CSRNP3: variants seen among roughly 807,000 people sequenced by gnomAD.
CSRNP3 encodes the protein cysteine/serine-rich nuclear protein 3.
CSRNP3 carries 12 observed loss-of-function variants against 48.0 expected under a neutral mutation model. That is an observed-to-expected ratio of 0.25 (90% CI 0.16 to 0.41). The LOEUF (loss-of-function observed/expected upper bound fraction) is 0.41, where lower values mean the gene tolerates loss of function less well. CSRNP3 is among the 10% of genes least tolerant of loss of function. The pLI is 1.00. For synonymous variants in CSRNP3, 263 were observed against 269.7 expected, an observed-to-expected ratio of 0.98 and a Z score of 0.24; for missense variants, 580 against 724.4, an observed-to-expected ratio of 0.80 and a Z score of 2.29.
intron 4 of CSRNP3, 96 bp downstream of exon 4, chr2:165,595,309 A>T: frequency 8.4e-7 from 1 of 1,193,894 alleles, no homozygotes. Flanking sequence ...AGCTATATAT[A>T]TTTTCCCATC....
intron 5 of CSRNP3, among the ~76,000 whole-genome samples, chr2:165,663,666 A>G (rs932622343): frequency 3.9e-5 from 6 of 152,206 alleles, no homozygotes; most frequent in African/African-American, 1.4e-4. Context: ...AATTTAGGGA[A>G]GTCAATTGCA....
chr2:165,514,193 T>C (rs1684544677), intron 2 of CSRNP3, among the ~76,000 whole-genome samples: 1 of 152,258 alleles, frequency 6.6e-6, no homozygotes, highest in South Asian at 2.1e-4. Context: ...CAGGAATGAT[T>C]ATATTTATCC....
intron 1 of CSRNP3, among the ~76,000 whole-genome samples, chr2:165,487,538 C>G (rs1684137255): frequency 6.8e-6 from 1 of 147,996 alleles, no homozygotes; most frequent in East Asian, 2.0e-4. Flanking sequence ...TTAAGGGCAG[C>G]CAGAGAGAAG....
intron 3 of CSRNP3, among the ~76,000 whole-genome samples, chr2:165,555,401 A>T (rs1685149044): frequency 6.6e-6 from 1 of 152,178 alleles, no homozygotes; most frequent in South Asian, 2.1e-4. Flanking sequence ...AGGAAACTGG[A>T]TTCAAAAGTA....
chr2:165,618,706 GA>G (rs1285203808), intron 4 of CSRNP3, among the ~76,000 whole-genome samples: 2 of 152,174 alleles, frequency 1.3e-5, no homozygotes, highest in Non-Finnish European at 2.9e-5. Context: ...CATATATGTG[GA>G]AGGATTATAG....
chr2:165,515,146 C>T (rs1276597778), intron 2 of CSRNP3, among the ~76,000 whole-genome samples: 6 of 131,468 alleles, frequency 4.6e-5, no homozygotes, highest in Non-Finnish European at 7.9e-5. Context: ...GGTGAAACCC[C>T]GTCTCAACTA....
intron 4 of CSRNP3, among the ~76,000 whole-genome samples, chr2:165,653,362 T>C (rs1340603777): frequency 6.6e-6 from 1 of 152,198 alleles, no homozygotes; most frequent in African/African-American, 2.4e-5. Context: ...AAACACATGT[T>C]TGAATTATGA....
At chr2:165,599,303 A>G (rs1323558232) in intron 4 of CSRNP3, among the ~76,000 whole-genome samples, 1 of 150,560 alleles carries the variant, frequency 6.6e-6, no homozygotes, top group Non-Finnish European at 1.5e-5. Flanking sequence ...GAAAGAAAGA[A>G]AGAAAGAAAG....
At chr2:165,648,546 G>C (rs1362953824) in intron 4 of CSRNP3, among the ~76,000 whole-genome samples, 1 of 152,008 alleles carries the variant, frequency 6.6e-6, no homozygotes, top group Non-Finnish European at 1.5e-5. Context: ...CCTTTGAGCT[G>C]TACCCCCTCT....
chr2:165,673,658 T>A (rs1687368281), intron 5 of CSRNP3, among the ~76,000 whole-genome samples: 1 of 152,174 alleles, frequency 6.6e-6, no homozygotes, highest in Non-Finnish European at 1.5e-5. Flanking sequence ...TTTGCTAAAA[T>A]CTTACTACAT....
intron 4 of CSRNP3, among the ~76,000 whole-genome samples, chr2:165,635,691 C>G (rs181752631): frequency 3.3e-4 from 51 of 152,278 alleles, no homozygotes; most frequent in Non-Finnish European, 1.3e-4. Flanking sequence ...TAAAACCAGT[C>G]TAGACTTGTT....
intron 4 of CSRNP3, among the ~76,000 whole-genome samples, chr2:165,630,353 G>T (rs1006186126): frequency 6.6e-6 from 1 of 152,114 alleles, no homozygotes; most frequent in African/African-American, 2.4e-5. Flanking sequence ...TTTCCTTCAA[G>T]ATTTTATTTA....
At chr2:165,534,492 A>G (rs1177687108) in intron 3 of CSRNP3, among the ~76,000 whole-genome samples, 1 of 151,946 alleles carries the variant, frequency 6.6e-6, no homozygotes, top group Non-Finnish European at 1.5e-5. Context: ...ATTCCTTTGA[A>G]TCTTCCATAT....
chr2:165,576,014 G>C (rs1372974275), intron 3 of CSRNP3, among the ~76,000 whole-genome samples: 1 of 150,928 alleles, frequency 6.6e-6, no homozygotes, highest in Non-Finnish European at 1.5e-5. Context: ...GCTGTCCTCT[G>C]GTCCAAACAA....
intron 3 of CSRNP3, among the ~76,000 whole-genome samples, chr2:165,558,418 G>T (rs1005060183): frequency 4.6e-5 from 7 of 152,112 alleles, no homozygotes; most frequent in African/African-American, 1.7e-4. Context: ...TTTTATCGTG[G>T]CATGTATATT....
chr2:165,471,864 A>G (rs1285108810), intron 1 of CSRNP3, among the ~76,000 whole-genome samples: 2 of 148,272 alleles, frequency 1.3e-5, no homozygotes, highest in Admixed American at 1.3e-4. Flanking sequence ...ACAAGAGAGA[A>G]AAAAAAAGCA....
intron 3 of CSRNP3, chr2:165,574,148 A>G: frequency 2.0e-6 from 1 of 495,110 alleles, no homozygotes; most frequent in South Asian, 3.5e-5. Context: ...GCAGAACCGC[A>G]GTTCCACAAT....
At chr2:165,651,146 A>G (rs1686895985) in intron 4 of CSRNP3, among the ~76,000 whole-genome samples, 1 of 152,256 alleles carries the variant, frequency 6.6e-6, no homozygotes, top group African/African-American at 2.4e-5. Flanking sequence ...TTACAGGCCC[A>G]GATATATGAT....
intron 1 of CSRNP3, among the ~76,000 whole-genome samples, chr2:165,491,749 A>G (rs9751768): frequency 0.19 from 22,325 of 115,504 alleles, 2,297 homozygotes; most frequent in East Asian, 0.3. Context: ...GAATTGAACA[A>G]TGAGATCACA....
Sources: gnomAD v4.1 joint callset for allele counts (sites outside exome capture counted in the v4.1 genomes callset) on GRCh38, gnomAD v4.1.1 for gene constraint, MANE v1.5 for transcripts, NCBI Gene and HGNC (gene_info 2026-07-23, HGNC 2026-07-21) for gene names.